Variants in ASPH observed in about 807,000 individuals in gnomAD.
The protein encoded by ASPH is aspartyl/asparaginyl beta-hydroxylase.
In ASPH, 100 loss-of-function variants were observed where a neutral mutation model predicts 118.4. The ratio of observed to expected loss-of-function variants is 0.84; its 90% CI spans 0.72 to 1.00. The LOEUF (loss-of-function observed/expected upper bound fraction) is 1.00, where lower values mean the gene tolerates loss of function less well. Among genes scored for constraint, ASPH ranks in the 50% least tolerant of loss-of-function variants. The pLI, the probability that ASPH is intolerant of heterozygous loss-of-function variation, is 0.00. For missense variants in ASPH, 920 were observed against 919.5 expected (o/e 1.00, Z -0.01); for synonymous variants, 315 against 325.6 (o/e 0.97, Z 0.35).
intron 15 of ASPH, chr8:61,583,163 A>G (rs1838114707): frequency 6.6e-6 from 1 of 152,202 alleles, no homozygotes; most frequent in South Asian, 2.1e-4. Flanking sequence ...ACCAATTACT[A>G]TCCTGAGTAA....
chr8:61,701,431 G>A (rs911986040), intron 1 of ASPH, among the ~76,000 whole-genome samples: 1 of 151,878 alleles, frequency 6.6e-6, no homozygotes, highest in Non-Finnish European at 1.5e-5. Context: ...AATTAGCTTG[G>A]GTACTTATTA....
At chr8:61,629,967 G>A (rs1489516195) in intron 13 of ASPH, among the ~76,000 whole-genome samples, 1 of 152,122 alleles carries the variant, frequency 6.6e-6, no homozygotes, top group African/African-American at 2.4e-5. Context: ...GTAAAATGGA[G>A]GTAATGGCAT....
intron 3 of ASPH, chr8:61,663,978 GTAAA>G (rs1443137805): frequency 2.1e-5 from 18 of 862,062 alleles, no homozygotes; most frequent in South Asian, 1.6e-4. Flanking sequence ...TCATAAAAAA[GTAAA>G]TAAATATGTT....
At position 61,646,827 on chromosome 8, in the gene ASPH, T is replaced by G. The variant is rs551740989; in HGVS notation, c.542A>C (p.Gln181Pro). The change falls in exon 6 of 25, where the codon CAA becomes CCA. Residue 181 changes from glutamine to proline, a missense_variant. By Grantham distance (76) the Gln-to-Pro change is moderately conservative. Transcript: ENST00000379454. ...QEDGPTGEPQ[Q>P]EDDEFLMATD... ...CGCCATAAGAAACTCATCATCCTCT[T>G]GTTGTGGTTCTCCTGTGGGTCCATC... 2 of 1,613,874 alleles carry G rather than the reference T, an allele frequency of 1.2e-6. No homozygotes were observed. The highest frequency in any genetic ancestry group is 1.7e-5 in the Admixed American group (1 of 59,992).
intron 14 of ASPH, among the ~76,000 whole-genome samples, chr8:61,595,546 G>C (rs1053439501): frequency 2.0e-5 from 3 of 152,202 alleles, no homozygotes; most frequent in Non-Finnish European, 2.9e-5. Context: ...AGTAAACTTG[G>C]TAAAATTTCT....
At chr8:61,687,840 C>T (rs1317796294) in intron 1 of ASPH, 1 of 152,040 alleles carries the variant, frequency 6.6e-6, no homozygotes, top group Non-Finnish European at 1.5e-5. Flanking sequence ...TTTTATATAT[C>T]CCTTTTTAAT....
At chr8:61,520,390 A>G (rs1456000457) in intron 22 of ASPH, among the ~76,000 whole-genome samples, 1 of 152,212 alleles carries the variant, frequency 6.6e-6, no homozygotes, top group East Asian at 1.9e-4. Flanking sequence ...GTTTAATTTT[A>G]TTTAATTAAT....
intron 22 of ASPH, among the ~76,000 whole-genome samples, chr8:61,522,458 C>A (rs1430297446): frequency 1.3e-5 from 2 of 152,076 alleles, no homozygotes; most frequent in African/African-American, 4.8e-5. Context: ...ATTTTCTCAT[C>A]CCTAGTGATA....
chr8:61,563,021 A>G, intron 17 of ASPH, 141 bp from the exon 18 acceptor site: 1 of 719,804 alleles, frequency 1.4e-6, no homozygotes. Context: ...TTTACTAAGT[A>G]CCTAGTAGGA....
chr8:61,542,982 T>C (rs974776007), intron 21 of ASPH, among the ~76,000 whole-genome samples: 1 of 152,222 alleles, frequency 6.6e-6, no homozygotes, highest in Non-Finnish European at 1.5e-5. Flanking sequence ...TAAGTCCTCT[T>C]TCTCTGTGTG....
chr8:61,555,274 TTTTA>T (rs998494541), intron 19 of ASPH, among the ~76,000 whole-genome samples: 11 of 151,838 alleles, frequency 7.2e-5, no homozygotes, highest in South Asian at 2.1e-4. Flanking sequence ...TATATATATA[TTTTA>T]TTTATTTATT....
intron 1 of ASPH, among the ~76,000 whole-genome samples, chr8:61,692,531 C>T (rs766557803): frequency 7.9e-5 from 12 of 152,118 alleles, no homozygotes; most frequent in Non-Finnish European, 1.6e-4. Context: ...TAATGCCACT[C>T]GCAACCAGGG....
chr8:61,704,181 C>T (rs866879362), intron 1 of ASPH, among the ~76,000 whole-genome samples: 6 of 102,404 alleles, frequency 5.9e-5, no homozygotes, highest in South Asian at 3.5e-4. Flanking sequence ...GGCGACAGAG[C>T]GAGACTCCGT....
At chr8:61,682,460 T>C in intron 2 of ASPH, 1 of 1,612,790 alleles carries the variant, frequency 6.2e-7, no homozygotes, top group Non-Finnish European at 8.5e-7. Context: ...TCTGATAAGT[T>C]ATAACGGAAG....
At chr8:61,684,016 C>A in intron 2 of ASPH, 23 bp downstream of exon 2, 1 of 1,610,604 alleles carries the variant, frequency 6.2e-7, no homozygotes, top group Non-Finnish European at 8.5e-7. Flanking sequence ...TACAAATTCA[C>A]ATAAGGATAT....
chr8:61,581,569 C>T (rs1180456640), intron 15 of ASPH, among the ~76,000 whole-genome samples: 1 of 152,182 alleles, frequency 6.6e-6, no homozygotes, highest in Non-Finnish European at 1.5e-5. Context: ...TGAAGATCTA[C>T]AGCCAAATGT....
Position 61,518,131 on chromosome 8 carries a change from A to G in ASPH, c.1901-8T>C, listed in dbSNP as rs1226918987. ...CATTTTCATTTCTTCTTCCTAGAATAAATAACATAATTGTTGGAAACAAAT... is the reference window on the plus strand; with the variant it reads ...CATTTTCATTTCTTCTTCCTAGAATGAATAACATAATTGTTGGAAACAAAT... On this transcript the variant is annotated splice_polypyrimidine_tract_variant and splice_region_variant and intron_variant, in intron 22 of 24. Coordinates refer to ENST00000379454, the MANE Select transcript of ASPH (RefSeq NM_004318.4). 6.2e-7 allele frequency: 1 copy of G among 1,608,120 alleles called. No homozygotes were observed. The highest frequency in any genetic ancestry group is 1.7e-5 in the Admixed American group (1 of 59,952).
At chr8:61,627,924 C>A (rs867839897) in intron 13 of ASPH, among the ~76,000 whole-genome samples, 1 of 152,108 alleles carries the variant, frequency 6.6e-6, no homozygotes, top group South Asian at 2.1e-4. Flanking sequence ...AATGTAGGAA[C>A]GTGGACTCCT....
rs1815376568 is a variant in ASPH at position 61,714,497 on chromosome 8, C to G, written c.-126G>C. 1.4e-5 allele frequency: 19 copies of G among 1,313,238 alleles called. 1 individual carries two copies. In the South Asian group the frequency reaches 3.3e-4, roughly 23 times the overall value. The allele number at this position is 1,313,238 out of a possible 1,614,324, so 81.3% of individuals were successfully genotyped here. On this transcript the variant is annotated 5_prime_UTR_variant, in exon 1 of 25. Transcript: ENST00000379454. ...CGGGTTCGGGCCGCTGCTCCTGCAG[C>G]AGACCCTGTGCCTCAGCACCGCCTG...
Sources: gnomAD v4.1 joint callset for allele counts (sites outside exome capture counted in the v4.1 genomes callset) on GRCh38, gnomAD v4.1.1 for gene constraint, MANE v1.5 for transcripts, NCBI Gene and HGNC (gene_info 2026-07-23, HGNC 2026-07-21) for gene names.